ABCA10: variants seen among roughly 807,000 people sequenced by gnomAD.
ABCA10 encodes ATP-binding cassette sub-family A member 10.
Under a neutral mutation model 187.5 loss-of-function variants are expected in ABCA10, and 169 were observed. The ratio of observed to expected loss-of-function variants is 0.90; its 90% CI spans 0.80 to 1.02. ABCA10 has a LOEUF of 1.02. Ranked by LOEUF, ABCA10 falls within the 50% of genes least tolerant of loss-of-function variation. The probability of loss-of-function intolerance (pLI) is 0.00; values close to 1 mark genes in which losing one functional copy is unlikely to be tolerated. For missense variants in ABCA10, 1,727 were observed against 1,812.4 expected, an observed-to-expected ratio of 0.95 and a Z score of 0.86; for synonymous variants, 574 against 601.8, an observed-to-expected ratio of 0.95 and a Z score of 0.68.
chr17:69,215,759 A>G (rs1331932945), intron 8 of ABCA10, 56 bp downstream of exon 8: 58 of 1,357,662 alleles, frequency 4.3e-5, no homozygotes, highest in Non-Finnish European at 5.5e-5. Context: ...AAATTCTTGA[A>G]TAAGAACATA....
intron 16 of ABCA10, among the ~76,000 whole-genome samples, chr17:69,191,638 T>C (rs753426514): frequency 7.2e-6 from 1 of 138,888 alleles, no homozygotes; most frequent in African/African-American, 2.8e-5. Context: ...TGCAAATACA[T>C]GTGTATAAAA....
At chr17:69,213,767 C>A (rs1056965636) in intron 9 of ABCA10, among the ~76,000 whole-genome samples, 7 of 152,124 alleles carry the variant, frequency 4.6e-5, no homozygotes, top group African/African-American at 1.7e-4. Flanking sequence ...CCCTAACCAA[C>A]CCCCACCCTG....
intron 11 of ABCA10, among the ~76,000 whole-genome samples, chr17:69,194,699 A>G (rs2074485688): frequency 6.6e-6 from 1 of 152,246 alleles, no homozygotes; most frequent in African/African-American, 2.4e-5. Flanking sequence ...CAAGACTGGG[A>G]ATATAAATTT....
chr17:69,175,762 T>C (rs984506198), intron 22 of ABCA10: 1 of 275,136 alleles, frequency 3.6e-6, no homozygotes. Flanking sequence ...CCACAGGGGA[T>C]ATATTCCAAG....
Position 69,190,357 on chromosome 17 carries a change from C to A in ABCA10, c.2131+1G>T, listed in dbSNP as rs1477160355. ...TTTCTGCTAGACACACATTTTTATA[C>A]CTGGTTCATCAATTGCTGATTTTCC... On this transcript the variant is annotated splice_donor_variant, in intron 18 of 38. Transcript: ENST00000690296. LOFTEE classifies it high-confidence loss of function. 6.5e-7 allele frequency: 1 copy of A among 1,541,292 alleles called. No individual in the cohort carries two copies. Among genetic ancestry groups the A allele is most frequent in the African/African-American group, 1.4e-5 (1 of 70,198 alleles).
Position 69,182,719 on chromosome 17 carries a change from C to T in ABCA10, c.2587G>A (p.Asp863Asn), listed in dbSNP as rs762580186. The T allele has an allele frequency of 6.2e-7, 1 of 1,612,006 alleles. No individual in the cohort carries two copies. The highest frequency in any genetic ancestry group is 1.7e-5 in the Admixed American group (1 of 59,898). ...DDFRNRNGSD[D>N]PSYNGAIIVS... ...ATGATGGCTCCATTGTAGGAGGGAT[C>T]ATCTGAGCCATTTCTGTTTCTAAAG... The change falls in exon 21 of 39, where the codon GAT becomes AAT. Residue 863 changes from aspartate (D) to asparagine (N), a missense_variant. Asp to Asn is a conservative substitution (Grantham distance 23). Coordinates refer to ENST00000690296, the MANE Select transcript of ABCA10 (RefSeq NM_001377321.1).
rs182970189 is a variant in ABCA10 at position 69,242,495 on chromosome 17, C to G, written c.-593+2034G>C. 7.2e-5 allele frequency among the ~76,000 whole-genome samples: 11 copies of G among 152,230 alleles called. No individual in the cohort carries two copies. In the East Asian group the frequency reaches 1.9e-3, roughly 27 times the overall value. ...CTGTTTTTTTCTTGAGACAGAGTCT[C>G]GCTCTGCCGCCCAGGCTGGAGTGCA... On this transcript the variant is annotated intron_variant, in intron 1 of 39. Transcript: ENST00000269081.
chr17:69,223,735 G>A, intron 3 of ABCA10: 1 of 399,848 alleles, frequency 2.5e-6, no homozygotes, highest in South Asian at 1.8e-5. Context: ...ATACTGTCAA[G>A]GCCAAACCAT....
chr17:69,226,862 G>A (rs959530028), intron 2 of ABCA10, among the ~76,000 whole-genome samples: 10 of 151,832 alleles, frequency 6.6e-5, no homozygotes, highest in Admixed American at 4.6e-4. Context: ...AGATTTGAAT[G>A]CATTAATTAT....
At chr17:69,226,822 G>A (rs1005384288) in intron 2 of ABCA10, among the ~76,000 whole-genome samples, 23 of 151,908 alleles carry the variant, frequency 1.5e-4, no homozygotes, top group African/African-American at 5.3e-4. Context: ...CAACACAGAA[G>A]TTAGCTAAGA....
chr17:69,244,507 TA>T (rs1437249787), intron 1 of ABCA10: 1 of 151,676 alleles, frequency 6.6e-6, no homozygotes, highest in African/African-American at 2.4e-5. Flanking sequence ...ATATTATAAA[TA>T]AAAAATAATT....
At position 69,219,728 on chromosome 17, in the gene ABCA10, A is replaced by G. The variant is rs751494497; in HGVS notation, c.347T>C (p.Ile116Thr). Residue 116 changes from isoleucine to threonine, a missense_variant, in exon 6 of 39, where the codon ATT (isoleucine) becomes ACT (threonine). Transcript: ENST00000690296. ...HSVMEELTSVIGINMKIPPFI... is the reference protein window; with the variant it reads ...HSVMEELTSVTGINMKIPPFI... ...AGGTGGTATCTTCATATTTATTCCA[A>G]TAACTGATGTCAACTCCTCCATTAC... The G allele has an allele frequency of 3.1e-6, 5 of 1,607,344 alleles. No individual in the cohort carries two copies. Among genetic ancestry groups the G allele is most frequent in the South Asian group, 1.1e-5 (1 of 88,678 alleles).
At chr17:69,237,583 C>T (rs915614622) in intron 1 of ABCA10, among the ~76,000 whole-genome samples, 3 of 152,152 alleles carry the variant, frequency 2.0e-5, no homozygotes, top group African/African-American at 7.2e-5. Context: ...TTTCCCATTC[C>T]CTCTCCCAAA....
Position 69,148,664 on chromosome 17 carries a change from G to T in ABCA10, c.*163C>A, listed in dbSNP as rs2074106144. On this transcript the variant is annotated 3_prime_UTR_variant, in exon 39 of 39. Transcript: ENST00000690296. ...CTACTACTTTTCCCTATATTTCCTT[G>T]TTTCCTTCATCCTAAATTTTTAAAA... 1.6e-6 allele frequency: 1 copy of T among 627,784 alleles called. No individual in the cohort carries two copies. Among genetic ancestry groups the T allele is most frequent in the Non-Finnish European group, 2.6e-6 (1 of 379,856 alleles). The allele number at this position is 627,784 out of a possible 1,614,324, so 38.9% of individuals were successfully genotyped here.
intron 1 of ABCA10, among the ~76,000 whole-genome samples, chr17:69,227,628 C>T (rs1157262061): frequency 6.6e-6 from 1 of 151,840 alleles, no homozygotes; most frequent in Non-Finnish European, 1.5e-5. Flanking sequence ...ATCCAAAAAA[C>T]ACTTTCTCTT....
chr17:69,167,973 A>G (rs2144771338), intron 25 of ABCA10, among the ~76,000 whole-genome samples: 1 of 152,268 alleles, frequency 6.6e-6, no homozygotes, highest in South Asian at 2.1e-4. Flanking sequence ...CCCCTAAGAC[A>G]GCAAGACCAA....
At chr17:69,237,476 C>T (rs1401539517) in intron 1 of ABCA10, among the ~76,000 whole-genome samples, 1 of 152,108 alleles carries the variant, frequency 6.6e-6, no homozygotes, top group Non-Finnish European at 1.5e-5. Context: ...TTTGCAGGAC[C>T]AAGATTAGTA....
intron 8 of ABCA10, chr17:69,215,504 G>C (rs1025539713): frequency 4.9e-6 from 1 of 204,248 alleles, no homozygotes; most frequent in Admixed American, 6.1e-5. Flanking sequence ...ATGCCATCTG[G>C]CTTCACTCGT....
rs535471072 is a variant in ABCA10, at chr17:69,168,442, TA to T, written c.3163-3360del. ...TATCCCAAGCAAAGTATCTGGCACA[TA>T]GGAAGATACAATCAATATGAATGAA... On this transcript the variant is annotated intron_variant, in intron 25 of 38. Coordinates refer to ENST00000690296, the MANE Select transcript of ABCA10 (RefSeq NM_001377321.1). 3.1e-3 allele frequency among the ~76,000 whole-genome samples: 475 copies of T among 152,246 alleles called. 3 individuals carry two copies. Among genetic ancestry groups the T allele is most frequent in the African/African-American group, 0.011 (457 of 41,542 alleles).
Sources: gnomAD v4.1 joint callset for allele counts (sites outside exome capture counted in the v4.1 genomes callset) on GRCh38, gnomAD v4.1.1 for gene constraint, MANE v1.5 for transcripts, NCBI Gene and HGNC (gene_info 2026-07-23, HGNC 2026-07-21) for gene names.